AHNAK: variants seen among roughly 807,000 people sequenced by gnomAD.
AHNAK encodes neuroblast differentiation-associated protein AHNAK.
Under a neutral mutation model 37.8 loss-of-function variants are expected in AHNAK, and 23 were observed. The ratio of observed to expected loss-of-function variants is 0.61; its 90% CI spans 0.44 to 0.86. AHNAK has a LOEUF of 0.86. Among genes scored for constraint, AHNAK ranks in the 40% least tolerant of loss-of-function variants. The pLI, the probability that AHNAK is intolerant of heterozygous loss-of-function variation, is 0.00. For synonymous variants in AHNAK, 2,481 were observed against 2,636.3 expected, an observed-to-expected ratio of 0.94 and a Z score of 1.80; for missense variants, 7,411 against 7,319.4, an observed-to-expected ratio of 1.01 and a Z score of -0.46.
downstream of AHNAK, among the ~76,000 whole-genome samples, chr11:62,514,204 T>C (rs144502282): frequency 2.8e-4 from 43 of 152,272 alleles, 1 homozygote; most frequent in East Asian, 8.3e-3. Context: ...TGCACCCCAC[T>C]GTCGCACACT....
At chr11:62,455,601 A>C (rs1938639108) in intron 5 of AHNAK, among the ~76,000 whole-genome samples, 1 of 152,104 alleles carries the variant, frequency 6.6e-6, no homozygotes. Flanking sequence ...GCTACTCAGG[A>C]GGCTGAGGCA....
At chr11:62,466,110 A>G (rs545268132) in intron 5 of AHNAK, among the ~76,000 whole-genome samples, 1 of 152,156 alleles carries the variant, frequency 6.6e-6, no homozygotes, top group Admixed American at 6.6e-5. Flanking sequence ...ACTCAAGGCC[A>G]GGAGTTCGAG....
Position 62,521,085 on chromosome 11 carries a change from C to G in AHNAK, c.13332G>C (p.Gly4444=), listed in dbSNP as rs771062132. Residue 4444 remains glycine (G), a synonymous_variant, in exon 5 of 5, where the codon GGG becomes GGC. Transcript: ENST00000378024. ...NIEGPEGKLK[G]PKFKMPEMNI... ...TCATCTCAGGCATCTTAAATTTGGG[C>G]CCCTTCAATTTTCCTTCCGGACCTT... 6.2e-7 allele frequency: 1 copy of G among 1,613,736 alleles called. No individual in the cohort carries two copies. Among genetic ancestry groups the G allele is most frequent in the Non-Finnish European group, 8.5e-7 (1 of 1,179,912 alleles).
chr11:62,484,203 C>G (rs1167042064), intron 5 of AHNAK, among the ~76,000 whole-genome samples: 1 of 151,862 alleles, frequency 6.6e-6, no homozygotes, highest in African/African-American at 2.4e-5. Context: ...GTAGTGAAAC[C>G]CCATTTCTAC....
chr11:62,535,901 C>A (rs1940929689), intron 3 of AHNAK, 44 bp downstream of exon 3: 3 of 1,570,088 alleles, frequency 1.9e-6, no homozygotes, highest in African/African-American at 2.7e-5. Flanking sequence ...CCCCCACCGA[C>A]CCCCCAACCA....
At chr11:62,484,819 C>T (rs943734841) in intron 5 of AHNAK, among the ~76,000 whole-genome samples, 8 of 152,108 alleles carry the variant, frequency 5.3e-5, no homozygotes, top group African/African-American at 7.2e-5. Flanking sequence ...GACAGAGTTT[C>T]GCTCTTGTTG....
At chr11:62,495,038 C>T (rs890151347) in intron 4 of AHNAK, among the ~76,000 whole-genome samples, 2 of 151,436 alleles carry the variant, frequency 1.3e-5, no homozygotes, top group African/African-American at 4.9e-5. Context: ...TGGTGGTACA[C>T]GCCTGTGGTC....
Position 62,530,875 on chromosome 11 carries a change from G to A in AHNAK, c.3542C>T (p.Pro1181Leu), listed in dbSNP as rs1940717459. The change falls in exon 5 of 5, where the codon CCC becomes CTC. Residue 1181 changes from proline to leucine, a missense_variant. Coordinates refer to ENST00000378024, the MANE Select transcript of AHNAK (RefSeq NM_001620.3). ...ATGCATCTCAGGCATCTTAAACTTG[G>A]GACCCTTCAGCTTCCCTTCTGGACC... ...LEGPEGKLKGPKFKMPEMHFK... is the reference protein window; with the variant it reads ...LEGPEGKLKGLKFKMPEMHFK... 2.5e-6 allele frequency: 4 copies of A among 1,613,420 alleles called. No individual in the cohort carries two copies. The Admixed American group carries it at 5.0e-5, about 20-fold the overall frequency.
intron 5 of AHNAK, among the ~76,000 whole-genome samples, chr11:62,453,957 A>C (rs1250975647): frequency 5.3e-5 from 8 of 152,012 alleles, no homozygotes; most frequent in African/African-American, 1.9e-4. Context: ...AAATACAAAA[A>C]TTAGCCAGGC....
chr11:62,529,412 C>A lies in AHNAK; in HGVS notation c.5005G>T (p.Gly1669Trp). The change falls in exon 5 of 5, where the codon GGG (glycine) becomes TGG (tryptophan). Residue 1669 changes from glycine (G) to tryptophan (W), a missense_variant. Physicochemically the swap from Gly to Trp is radical, Grantham distance 184. Coordinates refer to ENST00000378024, the MANE Select transcript of AHNAK (RefSeq NM_001620.3). ...TTGGGCACAGACACATCCATATCCC[C>A]TTTGACTTTGGGGCCTTTCAAGTGT... is the stretch of plus-strand genomic sequence containing the variant. ...DLHLKGPKVK[G>W]DMDVSVPKVE... The A allele has an allele frequency of 6.2e-7, 1 of 1,614,052 alleles. No homozygotes were observed. Among genetic ancestry groups the A allele is most frequent in the Non-Finnish European group, 8.5e-7 (1 of 1,180,010 alleles).
rs1940830315 is a variant in AHNAK at position 62,533,373 on chromosome 11, A to G, written c.1044T>C (p.Thr348=). 1 of 1,581,516 alleles carries G rather than the reference A, an allele frequency of 6.3e-7. No homozygotes were observed. The highest frequency in any genetic ancestry group is 1.3e-5 in the African/African-American group (1 of 74,234). The change falls in exon 5 of 5, where the codon ACT becomes ACC. Residue 348 remains threonine, a synonymous_variant. Coordinates refer to ENST00000378024, the MANE Select transcript of AHNAK (RefSeq NM_001620.3). ...TGACTTCCAGCTGAGGGGCTTGGAT[A>G]GTCAAGCCTGGCTTGCCGCCCTTGT... The part of the protein sequence containing the change: ...VGHKGGKPGL[T]IQAPQLEVSV...
chr11:62,461,524 G>C (rs1280997993), intron 5 of AHNAK, among the ~76,000 whole-genome samples: 1 of 152,114 alleles, frequency 6.6e-6, no homozygotes, highest in Non-Finnish European at 1.5e-5. Flanking sequence ...ATTTGTCAGA[G>C]TCAATAGTTA....
At position 62,534,480 on chromosome 11, in the gene AHNAK, G is replaced by T. The variant is rs115980139; in HGVS notation, c.343-406C>A. Among the ~76,000 whole-genome samples the T allele has an allele frequency of 8.4e-3, 1,272 of 152,294 alleles. 23 individuals are homozygous for T. The highest frequency in any genetic ancestry group is 0.029 in the African/African-American group (1,217 of 41,554). ...AGGGGAATCTTCTCAGAGGCCCTTG[G>T]ACCCTGAAAGCACTCGTTGAGCCTA... On this transcript the variant is annotated intron_variant, in intron 4 of 4. Transcript: ENST00000378024.
In AHNAK at chr11:62,533,600, C is replaced by T. The variant is rs1940842861; in HGVS notation, c.817G>A (p.Val273Ile). The T allele has an allele frequency of 6.2e-7, 1 of 1,614,130 alleles. No individual in the cohort carries two copies. Among genetic ancestry groups the T allele is most frequent in the Non-Finnish European group, 8.5e-7 (1 of 1,180,020 alleles). The change falls in exon 5 of 5, where the codon GTC becomes ATC. Residue 273 changes from valine to isoleucine, a missense_variant. Val to Ile is a conservative substitution (Grantham distance 29, BLOSUM62 3). Coordinates refer to ENST00000378024, the MANE Select transcript of AHNAK (RefSeq NM_001620.3). ...GAAATGTCCACTGCTGGAACTTGGA[C>T]CCCTCCTCTGCCACCCAAGTCCAAG... is the stretch of plus-strand genomic sequence containing the variant. ...KGLDLGGRGG[V>I]QVPAVDISSS...
At chr11:62,504,419 G>A (rs1939770506) in intron 4 of AHNAK, among the ~76,000 whole-genome samples, 1 of 152,060 alleles carries the variant, frequency 6.6e-6, no homozygotes, top group South Asian at 2.1e-4. Flanking sequence ...TAGGAATTTA[G>A]ACAATCCGCA....
intron 5 of AHNAK, among the ~76,000 whole-genome samples, chr11:62,486,147 A>T (rs1430178357): frequency 2.0e-5 from 3 of 152,130 alleles, no homozygotes; most frequent in African/African-American, 7.2e-5. Flanking sequence ...CATTCCACTT[A>T]TATGAGGTAC....
At chr11:62,492,169 A>C (rs935691382) in intron 4 of AHNAK, among the ~76,000 whole-genome samples, 14 of 152,186 alleles carry the variant, frequency 9.2e-5, no homozygotes, top group African/African-American at 3.1e-4. Flanking sequence ...GGACAGAAGG[A>C]GAGAGATAAG....
chr11:62,516,815 T>C lies in AHNAK; in HGVS notation c.17602A>G (p.Asn5868Asp), dbSNP rs1940032944. 1.2e-6 allele frequency: 2 copies of C among 1,614,012 alleles called. No individual in the cohort carries two copies. The highest frequency in any genetic ancestry group is 2.7e-5 in the African/African-American group (2 of 74,900). ...KKSRLSSSSS[N>D]DSGNKVGIQL... ...ATGCCAACCTTATTCCCACTGTCAT[T>C]GCTAGAAGAGGAGGACAGTCGGGAC... Residue 5868 changes from asparagine to aspartate, a missense_variant, in exon 5 of 5, where the codon AAT (asparagine) becomes GAT (aspartate). Transcript: ENST00000378024.
At position 62,443,449 on chromosome 11, in the gene AHNAK, T is replaced by A. The variant is rs187921826; in HGVS notation, c.443-9558A>T. 6.3e-4 allele frequency among the ~76,000 whole-genome samples: 95 copies of A among 151,978 alleles called. No homozygotes were observed. In the East Asian group the frequency reaches 0.015, roughly 25 times the overall value. On this transcript the variant is annotated intron_variant, in intron 5 of 5. Transcript: ENST00000257247. ...CACCACGCCTGGCTTATTTTGTATT[T>A]TTAGTAGAGATGGGGTTTCTCCATG...
Sources: gnomAD v4.1 joint callset for allele counts (sites outside exome capture counted in the v4.1 genomes callset) on GRCh38, gnomAD v4.1.1 for gene constraint, MANE v1.5 for transcripts, NCBI Gene and HGNC (gene_info 2026-07-23, HGNC 2026-07-21) for gene names.